The following WDR25 variants were observed in gnomAD, a reference collection of about 807,000 sequenced individuals.
WDR25 encodes WD repeat domain 25, also known as WD repeat-containing protein 25.
A neutral mutation model predicts 47.7 loss-of-function variants in WDR25; 35 were observed. That is an observed-to-expected ratio of 0.73 (90% CI 0.56 to 0.97). The LOEUF (loss-of-function observed/expected upper bound fraction) is 0.97. Ranked by LOEUF, WDR25 falls within the 50% of genes least tolerant of loss-of-function variation. The probability of loss-of-function intolerance (pLI) is 0.00; values close to 1 mark genes in which losing one functional copy is unlikely to be tolerated. For missense variants in WDR25, 634 were observed against 704.7 expected, an observed-to-expected ratio of 0.90 and a Z score of 1.14; for synonymous variants, 248 against 278.9, an observed-to-expected ratio of 0.89 and a Z score of 1.10.
chr14:100,381,421 AG>A lies in WDR25; in HGVS notation c.498del (p.Lys168AsnfsTer14), dbSNP rs1259533992. 1.2e-6 allele frequency: 2 copies of A among 1,614,118 alleles called. No homozygotes were observed. The highest frequency in any genetic ancestry group is 2.7e-5 in the African/African-American group (2 of 74,936). On this transcript the variant is annotated frameshift_variant, in exon 2 of 7. Coordinates refer to ENST00000402312, the MANE Select transcript of WDR25 (RefSeq NM_001161476.3). LOFTEE classifies it high-confidence loss of function. Reference sequence around the variant, plus strand: ...GGTAAAAATGGCAGCTCTTTTCAGAAGAAAAAATGTGAGGACTGTGTGGTAC... The same window carrying A: ...GGTAAAAATGGCAGCTCTTTTCAGAAAAAAAATGTGAGGACTGTGTGGTAC... ...TVGKNGSSFQKKKCEDCVVPY... is the reference protein window; with the variant it reads ...TVGKNGSSFQXKKCEDCVVPY...
At chr14:100,470,450 C>T (rs1419045701) in intron 3 of WDR25, among the ~76,000 whole-genome samples, 4 of 152,192 alleles carry the variant, frequency 2.6e-5, no homozygotes, top group Admixed American at 2.0e-4. Context: ...AAGCATTATT[C>T]TCTCAATCAA....
chr14:100,395,218 G>A (rs559886254), intron 2 of WDR25, among the ~76,000 whole-genome samples: 1 of 152,268 alleles, frequency 6.6e-6, no homozygotes, highest in African/African-American at 2.4e-5. Context: ...CAGAGCTCAG[G>A]GAGTCTTATT....
chr14:100,383,623 C>A (rs1040800559), intron 2 of WDR25, among the ~76,000 whole-genome samples: 3 of 152,222 alleles, frequency 2.0e-5, no homozygotes, highest in Non-Finnish European at 4.4e-5. Flanking sequence ...CTCCCTGGGC[C>A]CTGCTGGCAG....
chr14:100,529,417 G>A lies in WDR25; in HGVS notation c.1413+209G>A. 2.7e-6 allele frequency: 2 copies of A among 728,558 alleles called. No homozygotes were observed. Among genetic ancestry groups the A allele is most frequent in the Non-Finnish European group, 4.4e-6 (2 of 453,568 alleles). 45.1% of individuals were successfully genotyped at this position (728,558 alleles called of 1,614,324 possible). A position where few individuals can be genotyped will look rare whatever the true frequency, so the allele number is the denominator to read the frequency against. On this transcript the variant is annotated intron_variant, in intron 6 of 6. Coordinates refer to ENST00000402312, the MANE Select transcript of WDR25 (RefSeq NM_001161476.3). The surrounding 1 kb of genome is among the most constrained non-coding windows in gnomAD (Gnocchi z 5.1). ...CACCCCAGGCCCCACGTACTGGGCA[G>A]GAAGCAGTAGTTGGCTCACACAGAC...
Position 100,468,267 on chromosome 14 carries a change from T to G in WDR25, c.970+99T>G. 6.7e-7 allele frequency: 1 copy of G among 1,483,566 alleles called. No individual in the cohort carries two copies. The highest frequency in any genetic ancestry group is 9.0e-7 in the Non-Finnish European group (1 of 1,112,708). 91.9% of individuals were successfully genotyped at this position (1,483,566 alleles called of 1,614,324 possible). On this transcript the variant is annotated intron_variant, in intron 3 of 6. Coordinates refer to ENST00000402312, the MANE Select transcript of WDR25 (RefSeq NM_001161476.3). This position sits in a 1 kb window ranked among gnomAD's most constrained non-coding sequence, Gnocchi z 4.5. ...CAGCCACAAGCTGTATACGCTTGCG[T>G]GGCAGAGGGAGAGGGGCCTCAGGGT...
At chr14:100,519,576 G>A (rs919163555) in intron 4 of WDR25, among the ~76,000 whole-genome samples, 27 of 150,530 alleles carry the variant, frequency 1.8e-4, no homozygotes, top group African/African-American at 6.1e-4. Context: ...AGGTAGAGGA[G>A]AGACTGACCA....
intron 2 of WDR25, among the ~76,000 whole-genome samples, chr14:100,408,329 T>C (rs894398485): frequency 2.6e-5 from 4 of 152,172 alleles, no homozygotes; most frequent in African/African-American, 9.7e-5. Context: ...ATCAATGTAA[T>C]TACAATTTAG....
intron 2 of WDR25, among the ~76,000 whole-genome samples, chr14:100,442,130 G>A (rs1009843290): frequency 6.6e-6 from 1 of 152,250 alleles, no homozygotes; most frequent in Non-Finnish European, 1.5e-5. Context: ...CTTTTGGAGG[G>A]ATGGGCTTGG....
chr14:100,453,545 G>A (rs1046947803), intron 2 of WDR25, among the ~76,000 whole-genome samples: 36 of 152,218 alleles, frequency 2.4e-4, no homozygotes, highest in African/African-American at 8.2e-4. Context: ...CCTGGAGGCG[G>A]TCCCAGAATA....
intron 4 of WDR25, among the ~76,000 whole-genome samples, chr14:100,503,963 C>T (rs1216916787): frequency 6.6e-6 from 1 of 152,100 alleles, no homozygotes; most frequent in Non-Finnish European, 1.5e-5. Flanking sequence ...AAATATATAC[C>T]AAAGTAGAAA....
chr14:100,398,912 G>A (rs964833258), intron 2 of WDR25, among the ~76,000 whole-genome samples: 1 of 150,538 alleles, frequency 6.6e-6, no homozygotes, highest in African/African-American at 2.4e-5. Context: ...AGTTAAGCTC[G>A]TACTGGATGT....
intron 2 of WDR25, among the ~76,000 whole-genome samples, chr14:100,427,063 A>C (rs1413913550): frequency 6.6e-6 from 1 of 152,092 alleles, no homozygotes; most frequent in Admixed American, 6.5e-5. Context: ...GTGTCTTCCA[A>C]GGCCTTCTGG....
chr14:100,496,828 CTTTTTTTTTTTTT>C (rs1226765543), intron 4 of WDR25, among the ~76,000 whole-genome samples: 11 of 73,422 alleles, frequency 1.5e-4, no homozygotes, highest in East Asian at 5.1e-4. Context: ...TTCTTTAATT[CTTTTTTTTTTTTT>C]TTTTTTTTTT....
At chr14:100,487,343 A>C (rs569623172) in intron 4 of WDR25, among the ~76,000 whole-genome samples, 2 of 152,394 alleles carry the variant, frequency 1.3e-5, no homozygotes, top group African/African-American at 2.4e-5. Flanking sequence ...AGAGACCAGC[A>C]GTCAGCAAAC....
chr14:100,380,655 C>T (rs917134223), intron 1 of WDR25, among the ~76,000 whole-genome samples: 8 of 151,158 alleles, frequency 5.3e-5, no homozygotes, highest in Non-Finnish European at 1.0e-4. Flanking sequence ...CACCCTGCCT[C>T]GCTACTTTTT....
intron 4 of WDR25, among the ~76,000 whole-genome samples, chr14:100,493,773 A>G (rs1900641183): frequency 6.6e-6 from 1 of 152,222 alleles, no homozygotes. Context: ...TTGAGGCCCT[A>G]ATCCCTAATG....
At chr14:100,492,904 T>C (rs2140334584) in intron 4 of WDR25, among the ~76,000 whole-genome samples, 1 of 152,298 alleles carries the variant, frequency 6.6e-6, no homozygotes, top group South Asian at 2.1e-4. Flanking sequence ...CTCGAACTCC[T>C]GGGCTCAAGG....
intron 2 of WDR25, chr14:100,454,588 G>A (rs1269372348): frequency 1.4e-5 from 7 of 507,038 alleles, no homozygotes; most frequent in African/African-American, 9.9e-5. Flanking sequence ...CTGGACAGAC[G>A]TCTACCCTCC....
chr14:100,513,929 T>C (rs1409199444), intron 4 of WDR25, among the ~76,000 whole-genome samples: 1 of 150,796 alleles, frequency 6.6e-6, no homozygotes, highest in Non-Finnish European at 1.5e-5. Context: ...GCATGGCATA[T>C]CTTTTTTACT....
Sources: gnomAD v4.1 joint callset for allele counts (sites outside exome capture counted in the v4.1 genomes callset) on GRCh38, gnomAD v4.1.1 for gene constraint, Gnocchi (gnomAD v3.1) non-coding constraint, MANE v1.5 for transcripts, NCBI Gene and HGNC (gene_info 2026-07-23, HGNC 2026-07-21) for gene names.